Variants in NTN1 observed in about 807,000 individuals in gnomAD.
NTN1 encodes the protein netrin 1, also known as netrin-1.
A neutral mutation model predicts 54.2 loss-of-function variants in NTN1; 11 were observed. That is an observed-to-expected ratio of 0.20 (90% CI 0.13 to 0.34). The LOEUF is 0.34. Ranked by LOEUF, NTN1 falls within the 10% of genes least tolerant of loss-of-function variation. NTN1 has a pLI of 1.00. For synonymous variants in NTN1, 371 were observed against 382.0 expected, an observed-to-expected ratio of 0.97 and a Z score of 0.33; for missense variants, 740 against 893.1, an observed-to-expected ratio of 0.83 and a Z score of 2.18.
At chr17:9,223,584 G>T (rs1448879534) in intron 6 of NTN1, among the ~76,000 whole-genome samples, 8 of 151,748 alleles carry the variant, frequency 5.3e-5, no homozygotes, top group African/African-American at 1.9e-4. Flanking sequence ...GAGCTCATAT[G>T]GCCCCGGAGC....
intron 6 of NTN1, among the ~76,000 whole-genome samples, chr17:9,226,615 G>A (rs1237044927): frequency 2.6e-5 from 4 of 152,226 alleles, no homozygotes; most frequent in East Asian, 1.9e-4. Flanking sequence ...TAGGGGATCC[G>A]GCTGTTCTTA....
intron 2 of NTN1, among the ~76,000 whole-genome samples, chr17:9,083,897 G>A (rs998829592): frequency 6.6e-6 from 1 of 152,164 alleles, no homozygotes; most frequent in African/African-American, 2.4e-5. Context: ...AGACAGATAT[G>A]CTTAGAATAT....
In NTN1 at chr17:9,179,918, G is replaced by T; in HGVS notation, c.1319G>T (p.Gly440Val). 1.9e-6 allele frequency: 3 copies of T among 1,613,976 alleles called. No homozygotes were observed. The South Asian group carries it at 3.3e-5, about 18-fold the overall frequency. Reference sequence around the variant, plus strand: ...ATCACCTGCAACCGCTGCGCCAAAGGCTACCAGCAGAGCCGCTCTCCCATC... The same window carrying T: ...ATCACCTGCAACCGCTGCGCCAAAGTCTACCAGCAGAGCCGCTCTCCCATC... ...TGITCNRCAKGYQQSRSPIAP... is the reference protein window; with the variant it reads ...TGITCNRCAKVYQQSRSPIAP... Residue 440 changes from glycine (G) to valine (V), a missense_variant, in exon 4 of 7, where the codon GGC (glycine) becomes GTC (valine). Transcript: ENST00000173229.
intron 2 of NTN1, among the ~76,000 whole-genome samples, chr17:9,162,410 C>T (rs74600988): frequency 2.6e-5 from 4 of 152,334 alleles, no homozygotes; most frequent in East Asian, 3.9e-4. Flanking sequence ...CCTCTGGCAA[C>T]GTCCTCACGG....
At chr17:9,133,758 T>TTG (rs2092272826) in intron 2 of NTN1, among the ~76,000 whole-genome samples, 1 of 138,356 alleles carries the variant, frequency 7.2e-6, no homozygotes, top group Non-Finnish European at 1.6e-5. Context: ...CAGCTAATTT[T>TTG]TTTTTTTTTT....
At chr17:9,170,790 A>G (rs544913778) in intron 3 of NTN1, among the ~76,000 whole-genome samples, 17 of 152,212 alleles carry the variant, frequency 1.1e-4, no homozygotes, top group South Asian at 4.1e-4. Context: ...CCTGTGGCAC[A>G]GACACAGGAC....
intron 2 of NTN1, among the ~76,000 whole-genome samples, chr17:9,131,436 A>G (rs889011532): frequency 6.6e-6 from 1 of 150,836 alleles, no homozygotes; most frequent in Non-Finnish European, 1.5e-5. Flanking sequence ...TATTTGCTGA[A>G]TGAATGAATG....
At chr17:9,120,284 CAA>C (rs35302549) in intron 2 of NTN1, among the ~76,000 whole-genome samples, 8 of 98,352 alleles carry the variant, frequency 8.1e-5, no homozygotes, top group African/African-American at 1.2e-4. Context: ...GACTCCGTCT[CAA>C]AAAAAAAAAA....
intron 5 of NTN1, among the ~76,000 whole-genome samples, chr17:9,210,976 A>T (rs534838580): frequency 1.6e-4 from 25 of 151,586 alleles, no homozygotes; most frequent in Admixed American, 9.2e-4. Context: ...CTTTCTTTCT[A>T]ACACAAGAAT....
At chr17:9,041,440 T>A (rs1001060390) in intron 2 of NTN1, among the ~76,000 whole-genome samples, 6 of 152,366 alleles carry the variant, frequency 3.9e-5, no homozygotes, top group African/African-American at 1.4e-4. Flanking sequence ...TAGAATCACG[T>A]AACATATGGC....
intron 6 of NTN1, among the ~76,000 whole-genome samples, chr17:9,228,767 A>T (rs1246401241): frequency 4.0e-5 from 6 of 151,616 alleles, no homozygotes; most frequent in African/African-American, 7.3e-5. Context: ...TGAGGATACA[A>T]CTCAAGGAGG....
intron 2 of NTN1, among the ~76,000 whole-genome samples, chr17:9,095,107 C>T (rs923885265): frequency 4.0e-5 from 6 of 149,894 alleles, no homozygotes; most frequent in African/African-American, 1.5e-4. Flanking sequence ...TGGGGAATTG[C>T]TTATTCAGGA....
intron 2 of NTN1, among the ~76,000 whole-genome samples, chr17:9,106,208 C>A (rs2092165395): frequency 6.6e-6 from 1 of 152,212 alleles, no homozygotes; most frequent in Non-Finnish European, 1.5e-5. Flanking sequence ...CAGCCCACTG[C>A]CTCACCTGCC....
chr17:9,143,038 G>A (rs2092302814), intron 2 of NTN1, among the ~76,000 whole-genome samples: 1 of 152,200 alleles, frequency 6.6e-6, no homozygotes, highest in South Asian at 2.1e-4. Context: ...GCCTCGCTGG[G>A]AAGTGACAAA....
At chr17:9,222,737 G>A (rs1905402747) in intron 6 of NTN1, among the ~76,000 whole-genome samples, 1 of 152,162 alleles carries the variant, frequency 6.6e-6, no homozygotes, top group Admixed American at 6.5e-5. Flanking sequence ...CAGACCTCAT[G>A]GAGATCCTAA....
chr17:9,145,535 C>T (rs2092310843), intron 2 of NTN1, among the ~76,000 whole-genome samples: 1 of 152,206 alleles, frequency 6.6e-6, no homozygotes, highest in African/African-American at 2.4e-5. Context: ...CGTCCAGTCC[C>T]TGTCACTCCT....
upstream of NTN1, among the ~76,000 whole-genome samples, chr17:9,019,428 A>G (rs1209097466): frequency 6.6e-6 from 1 of 152,260 alleles, no homozygotes; most frequent in Non-Finnish European, 1.5e-5. Context: ...AAATTTCTGT[A>G]TAGATCAAGC....
intron 5 of NTN1, among the ~76,000 whole-genome samples, chr17:9,190,999 A>C (rs951934501): frequency 6.6e-6 from 1 of 152,194 alleles, no homozygotes; most frequent in Non-Finnish European, 1.5e-5. Context: ...AAATAATAAC[A>C]AAATATGCTG....
Position 9,131,073 on chromosome 17 carries a change from T to C in NTN1, c.1019-31740T>C, listed in dbSNP as rs1597499256. Among the ~76,000 whole-genome samples, 4 of 152,188 alleles carry C rather than the reference T, an allele frequency of 2.6e-5. No homozygotes were observed. In the South Asian group the frequency reaches 8.3e-4, roughly 31 times the overall value. The stretch of plus-strand genomic sequence containing the variant: ...TTTCTCCGCTCTGCCAGGCACACTC[T>C]TAACTCAGGGCCTTTGCACTGGCTG... On this transcript the variant is annotated intron_variant, in intron 2 of 6. Coordinates refer to ENST00000173229, the MANE Select transcript of NTN1 (RefSeq NM_004822.3).
Sources: gnomAD v4.1 joint callset for allele counts (sites outside exome capture counted in the v4.1 genomes callset) on GRCh38, gnomAD v4.1.1 for gene constraint, MANE v1.5 for transcripts, NCBI Gene and HGNC (gene_info 2026-07-23, HGNC 2026-07-21) for gene names.